CEND1: variants seen among roughly 807,000 people sequenced by gnomAD.
CEND1 encodes the protein cell cycle exit and neuronal differentiation 1, also known as cell cycle exit and neuronal differentiation protein 1.
A neutral mutation model predicts 4.4 loss-of-function variants in CEND1; 1 was observed. That is an observed-to-expected ratio of 0.23 (90% CI 0.08 to 1.09). The LOEUF is 1.09. Among genes scored for constraint, CEND1 ranks in the 50% least tolerant of loss-of-function variants. The pLI, the probability that CEND1 is intolerant of heterozygous loss-of-function variation, is 0.55. For synonymous variants in CEND1, 109 were observed against 93.0 expected (o/e 1.17, Z -0.99); for missense variants, 213 against 201.2 (o/e 1.06, Z -0.35).
In CEND1 at chr11:788,243, C is replaced by T. The variant is rs1864383656; in HGVS notation, c.334G>A (p.Gly112Arg). The T allele has an allele frequency of 6.2e-7, 1 of 1,610,934 alleles. No homozygotes were observed. Among genetic ancestry groups the T allele is most frequent in the Non-Finnish European group, 8.5e-7 (1 of 1,178,870 alleles). Residue 112 changes from glycine (G) to arginine (R), a missense_variant, in exon 2 of 2, where the codon GGG (glycine) becomes AGG (arginine). Physicochemically the swap from Gly to Arg is moderately radical, Grantham distance 125 (BLOSUM62 -2). Transcript: ENST00000330106. Reference protein sequence around the residue: ...EEDEAASGGPGGRGPWSCENF... With the variant: ...EEDEAASGGPRGRGPWSCENF... ...TCACAGGACCAGGGACCTCGGCCCC[C>T]AGGCCCCCCACTGGCAGCCTCATCT... is the stretch of plus-strand genomic sequence containing the variant.
At chr11:788,735 G>GC in intron 1 of CEND1, 77 bp from the exon 2 acceptor site, 1 of 585,848 alleles carries the variant, frequency 1.7e-6, no homozygotes, top group East Asian at 3.2e-5. Flanking sequence ...TCCCCAGGCA[G>GC]CCCCTGCCCA....
intron 1 of CEND1, among the ~76,000 whole-genome samples, 163 bp from the exon 2 acceptor site, chr11:788,821 T>C (rs1864396903): frequency 6.6e-6 from 1 of 152,142 alleles, no homozygotes; most frequent in Non-Finnish European, 1.5e-5. Context: ...CGGCCTGGAC[T>C]CCATCTGTCC....
At position 787,843 on chromosome 11, in the gene CEND1, A is replaced by C; in HGVS notation, c.*284T>G. On this transcript the variant is annotated 3_prime_UTR_variant, in exon 2 of 2. Coordinates refer to ENST00000330106, the MANE Select transcript of CEND1 (RefSeq NM_016564.4). ...CCGCCAGGGGTGGGGGGGGCCACAC[A>C]CAGGGTCCATTCCTTTCTTGCCGTT... The C allele has an allele frequency of 3.9e-6, 1 of 256,790 alleles. No homozygotes were observed. The highest frequency in any genetic ancestry group is 7.3e-6 in the Non-Finnish European group (1 of 136,586). The allele number at this position is 256,790 out of a possible 1,614,324, so 15.9% of individuals were successfully genotyped here.
intron 1 of CEND1, 65 bp downstream of exon 1, chr11:789,965 T>G (rs1381081284): frequency 6.6e-6 from 1 of 152,494 alleles, no homozygotes; most frequent in East Asian, 1.9e-4. Flanking sequence ...CGGAGCCGCC[T>G]CCTCGCCCCG....
chr11:788,393 T>G lies in CEND1; in HGVS notation c.184A>C (p.Lys62Gln), dbSNP rs757760054. ...PAAPTTAPAK[K>Q]TSAKADPALL... ...GCAGGGTCGGCCTTGGCCGAGGTCTTCTTGGCAGGTGCCGTGGTGGGGGCT... is the reference window on the plus strand; with the variant it reads ...GCAGGGTCGGCCTTGGCCGAGGTCTGCTTGGCAGGTGCCGTGGTGGGGGCT... The change falls in exon 2 of 2, where the codon AAG becomes CAG. Residue 62 changes from lysine (K) to glutamine (Q), a missense_variant. By Grantham distance (53) the Lys-to-Gln change is moderately conservative. Transcript: ENST00000330106. 6.3e-7 allele frequency: 1 copy of G among 1,593,632 alleles called. No homozygotes were observed. The highest frequency in any genetic ancestry group is 8.6e-7 in the Non-Finnish European group (1 of 1,167,224).
chr11:788,283 C>T lies in CEND1; in HGVS notation c.294G>A (p.Gly98=), dbSNP rs1429865896. 2 of 1,612,942 alleles carry T rather than the reference C, an allele frequency of 1.2e-6. No homozygotes were observed. Among genetic ancestry groups the T allele is most frequent in the East Asian group, 2.2e-5 (1 of 44,862 alleles). The change falls in exon 2 of 2, where the codon GGG becomes GGA. Residue 98 remains glycine, a synonymous_variant. Coordinates refer to ENST00000330106, the MANE Select transcript of CEND1 (RefSeq NM_016564.4). Reference sequence around the variant, plus strand: ...CAGCCTCATCTTCCTCCGCCCCGTCCCCAGGACCCTTGGGCTCCGGGGTTG... The same window carrying T: ...CAGCCTCATCTTCCTCCGCCCCGTCTCCAGGACCCTTGGGCTCCGGGGTTG... ...PDATPEPKGP[G]DGAEEDEAAS... is the part of the protein sequence containing the mutation.
rs761160981 is a variant in CEND1 at position 788,602 on chromosome 11, A to C, written c.-26T>G. 2.0e-6 allele frequency: 3 copies of C among 1,495,660 alleles called. No homozygotes were observed. The highest frequency in any genetic ancestry group is 8.9e-7 in the Non-Finnish European group (1 of 1,125,052). The allele number at this position is 1,495,660 out of a possible 1,614,324, so 92.6% of individuals were successfully genotyped here. The stretch of plus-strand genomic sequence containing the variant: ...GGTGGGCGGGGCGTATGGGACAGGC[A>C]GGTGGCTGCACCAGAGGGGCTCAGG... On this transcript the variant is annotated 5_prime_UTR_variant, in exon 2 of 2. Transcript: ENST00000330106.
Position 788,299 on chromosome 11 carries a change from T to G in CEND1, c.278A>C (p.Glu93Ala). 2 of 1,612,384 alleles carry G rather than the reference T, an allele frequency of 1.2e-6. No homozygotes were observed. Among genetic ancestry groups the G allele is most frequent in the Middle Eastern group, 1.7e-4 (1 of 6,040 alleles). ...TVPSSPDATPEPKGPGDGAEE... is the reference protein window; with the variant it reads ...TVPSSPDATPAPKGPGDGAEE... ...CGCCCCGTCCCCAGGACCCTTGGGCTCCGGGGTTGCATCGGGACTGCTGGG... is the reference window on the plus strand; with the variant it reads ...CGCCCCGTCCCCAGGACCCTTGGGCGCCGGGGTTGCATCGGGACTGCTGGG... Residue 93 changes from glutamate to alanine, a missense_variant, in exon 2 of 2, where the codon GAG becomes GCG. Transcript: ENST00000330106.
chr11:789,208 C>T (rs1367858537), intron 1 of CEND1, among the ~76,000 whole-genome samples: 1 of 152,134 alleles, frequency 6.6e-6, no homozygotes, highest in Non-Finnish European at 1.5e-5. Context: ...GGTGGGTGGG[C>T]CCACAAGAAC....
At position 788,481 on chromosome 11, in the gene CEND1, C is replaced by G. The variant is rs562458245; in HGVS notation, c.96G>C (p.Gly32=). The G allele has an allele frequency of 1.3e-6, 2 of 1,548,434 alleles. No individual in the cohort carries two copies. Among genetic ancestry groups the G allele is most frequent in the South Asian group, 2.4e-5 (2 of 83,390 alleles). ...TCGAGGGCTTGGTCAAGGGGGCTTT[C>G]CCATCGGCTGCCGGGGGTACCTTGG... ...TEAKVPPAAD[G]KAPLTKPSKK... The change falls in exon 2 of 2, where the codon GGG becomes GGC. Residue 32 remains glycine (G), a synonymous_variant. Coordinates refer to ENST00000330106, the MANE Select transcript of CEND1 (RefSeq NM_016564.4).
rs1481280989 is a variant in CEND1, at chr11:787,351, CA to C, written c.*775del. 2 of 152,778 alleles carry C rather than the reference CA, an allele frequency of 1.3e-5. No homozygotes were observed. Among genetic ancestry groups the C allele is most frequent in the African/African-American group, 4.8e-5 (2 of 41,442 alleles). The allele number at this position is 152,778 out of a possible 1,614,324, so 9.5% of individuals were successfully genotyped here. A position where few individuals can be genotyped will look rare whatever the true frequency, so the allele number is the denominator to read the frequency against. The stretch of plus-strand genomic sequence containing the variant: ...AGTGTGTGACGGTCGCCGCCAAAAG[CA>C]GTTCTACTCTACCTGTTATTGCATT... On this transcript the variant is annotated 3_prime_UTR_variant, in exon 2 of 2. Transcript: ENST00000330106.
At chr11:789,677 C>G (rs1186727194) in intron 1 of CEND1, among the ~76,000 whole-genome samples, 1 of 151,954 alleles carries the variant, frequency 6.6e-6, no homozygotes, top group Non-Finnish European at 1.5e-5. Context: ...GGTGCATTGA[C>G]CACACTGAAG....
rs769328991 is a variant in CEND1 at position 788,586 on chromosome 11, G to A, written c.-10C>T. 3 of 1,507,692 alleles carry A rather than the reference G, an allele frequency of 2.0e-6. No individual in the cohort carries two copies. Among genetic ancestry groups the A allele is most frequent in the Non-Finnish European group, 2.7e-6 (3 of 1,130,632 alleles). 93.4% of individuals were successfully genotyped at this position (1,507,692 alleles called of 1,614,324 possible). ...TCCCTCTGGACTCCATGGTGGGCGG[G>A]GCGTATGGGACAGGCAGGTGGCTGC... On this transcript the variant is annotated 5_prime_UTR_variant, in exon 2 of 2. Coordinates refer to ENST00000330106, the MANE Select transcript of CEND1 (RefSeq NM_016564.4).
chr11:788,895 G>T (rs1264877738), intron 1 of CEND1, among the ~76,000 whole-genome samples: 1 of 152,206 alleles, frequency 6.6e-6, no homozygotes, highest in Non-Finnish European at 1.5e-5. Flanking sequence ...GTGGGAGGAG[G>T]TAGGGGACCC....
At position 788,203 on chromosome 11, in the gene CEND1, AG is replaced by A. The variant is rs1864383051; in HGVS notation, c.373del (p.Leu125CysfsTer12). On this transcript the variant is annotated frameshift_variant, in exon 2 of 2. Coordinates refer to ENST00000330106, the MANE Select transcript of CEND1 (RefSeq NM_016564.4). LOFTEE classifies it high-confidence loss of function. ...CACGGCCACACCCCCAGCCACCAGCAGGGGGTTGAAGTTCTCACAGGACCAG... is the reference window on the plus strand; with the variant it reads ...CACGGCCACACCCCCAGCCACCAGCAGGGGTTGAAGTTCTCACAGGACCAG... Reference protein sequence around the residue: ...GPWSCENFNPLLVAGGVAVAA... With the variant: ...GPWSCENFNPXLVAGGVAVAA... The A allele has an allele frequency of 1.2e-6, 2 of 1,602,342 alleles. No individual in the cohort carries two copies. Among genetic ancestry groups the A allele is most frequent in the Admixed American group, 1.7e-5 (1 of 58,734 alleles).
At chr11:789,343 C>T (rs1273076565) in intron 1 of CEND1, among the ~76,000 whole-genome samples, 3 of 152,214 alleles carry the variant, frequency 2.0e-5, no homozygotes, top group Non-Finnish European at 4.4e-5. Flanking sequence ...TGCCTCCAGC[C>T]CTGGAGCAGG....
In CEND1 at chr11:787,724, C is replaced by T. The variant is rs1217742438; in HGVS notation, c.*403G>A. 2 of 161,858 alleles carry T rather than the reference C, an allele frequency of 1.2e-5. No individual in the cohort carries two copies. The highest frequency in any genetic ancestry group is 2.4e-5 in the African/African-American group (1 of 41,844). The allele number at this position is 161,858 out of a possible 1,614,324, so 10.0% of individuals were successfully genotyped here. A position where few individuals can be genotyped will look rare whatever the true frequency, so the allele number is the denominator to read the frequency against. Reference sequence around the variant, plus strand: ...ATGGGGCGAGTGGAGCCACCGCGCCCTTTAATGTCCCCACGAGGGCCGGGC... The same window carrying T: ...ATGGGGCGAGTGGAGCCACCGCGCCTTTTAATGTCCCCACGAGGGCCGGGC... On this transcript the variant is annotated 3_prime_UTR_variant, in exon 2 of 2. Coordinates refer to ENST00000330106, the MANE Select transcript of CEND1 (RefSeq NM_016564.4).
chr11:789,229 G>A (rs949175547), intron 1 of CEND1, among the ~76,000 whole-genome samples: 2 of 152,166 alleles, frequency 1.3e-5, no homozygotes, highest in African/African-American at 4.8e-5. Context: ...CCAGACTTGA[G>A]AAAACTGGGG....
chr11:788,280 G>A lies in CEND1; in HGVS notation c.297C>T (p.Asp99=), dbSNP rs368626757. 24 of 1,613,002 alleles carry A rather than the reference G, an allele frequency of 1.5e-5. 1 individual carries two copies. The highest frequency in any genetic ancestry group is 1.1e-4 in the East Asian group (5 of 44,858). The change falls in exon 2 of 2, where the codon GAC becomes GAT. Residue 99 remains aspartate, a synonymous_variant. Coordinates refer to ENST00000330106, the MANE Select transcript of CEND1 (RefSeq NM_016564.4). The part of the protein sequence containing the change: ...DATPEPKGPG[D]GAEEDEAASG... ...TGGCAGCCTCATCTTCCTCCGCCCC[G>A]TCCCCAGGACCCTTGGGCTCCGGGG...
Sources: gnomAD v4.1 joint callset for allele counts (sites outside exome capture counted in the v4.1 genomes callset) on GRCh38, gnomAD v4.1.1 for gene constraint, MANE v1.5 for transcripts, NCBI Gene and HGNC (gene_info 2026-07-23, HGNC 2026-07-21) for gene names.